ACSM3: variants seen among roughly 807,000 people sequenced by gnomAD.
ACSM3 encodes acyl-CoA synthetase medium chain family member 3, also known as acyl-coenzyme A synthetase ACSM3, mitochondrial.
A neutral mutation model predicts 74.1 loss-of-function variants in ACSM3; 61 were observed. The observed-to-expected ratio is 0.82, with a 90% confidence interval of 0.67 to 1.02. ACSM3 has a LOEUF of 1.02. ACSM3 is among the 50% of genes least tolerant of loss of function. The pLI, the probability that ACSM3 is intolerant of heterozygous loss-of-function variation, is 0.00. For synonymous variants in ACSM3, 213 were observed against 241.5 expected, an observed-to-expected ratio of 0.88 and a Z score of 1.09; for missense variants, 660 against 697.0, an observed-to-expected ratio of 0.95 and a Z score of 0.60.
rs201784927 is a variant in ACSM3, at chr16:20,786,031, T to G, written c.1144-47T>G. 398 of 1,330,242 alleles carry G rather than the reference T, an allele frequency of 3.0e-4. 1 individual carries two copies. Among genetic ancestry groups the G allele is most frequent in the Non-Finnish European group, 3.6e-4 (356 of 975,752 alleles). 82.4% of individuals were successfully genotyped at this position (1,330,242 alleles called of 1,614,324 possible). On this transcript the variant is annotated intron_variant, in intron 8 of 13. Coordinates refer to ENST00000289416, the MANE Select transcript of ACSM3 (RefSeq NM_005622.4). Reference sequence around the variant, plus strand: ...ATGAATGCATGATAGATGAATAAATTTTAAGTGACTTGTAATGTTATCTTA... The same window carrying G: ...ATGAATGCATGATAGATGAATAAATGTTAAGTGACTTGTAATGTTATCTTA...
chr16:20,695,315 G>A (rs1237725909), intron 1 of ACSM3, among the ~76,000 whole-genome samples: 2 of 152,174 alleles, frequency 1.3e-5, no homozygotes, highest in Non-Finnish European at 1.5e-5. Flanking sequence ...ATTGCCTGAA[G>A]CCATGGTGAT....
intron 1 of ACSM3, chr16:20,736,269 C>T (rs2152415580): frequency 6.6e-6 from 1 of 152,198 alleles, no homozygotes; most frequent in East Asian, 1.9e-4. Flanking sequence ...TCATCACCAA[C>T]CTTTTCAGAA....
At position 20,729,409 on chromosome 16, in the gene ACSM3, T is replaced by C. The variant is rs552222569; in HGVS notation, c.-189-20501T>C. On this transcript the variant is annotated intron_variant, in intron 1 of 3. Coordinates refer to the ACSM3 transcript ENST00000561584. ...GCAAGGATTGACAGGGGGGGAGCTCTCCTACTGGAGGATGTGGTGGTCAAA... is the reference window on the plus strand; with the variant it reads ...GCAAGGATTGACAGGGGGGGAGCTCCCCTACTGGAGGATGTGGTGGTCAAA... The C allele has an allele frequency of 4.0e-6, 4 of 994,464 alleles. No homozygotes were observed. In the South Asian group the frequency reaches 5.2e-5, roughly 13 times the overall value. 61.6% of individuals were successfully genotyped at this position (994,464 alleles called of 1,614,324 possible).
rs1360835651 is a variant in ACSM3 at position 20,692,500 on chromosome 16, T to C, written c.-190+17678T>C. 2.0e-5 allele frequency among the ~76,000 whole-genome samples: 3 copies of C among 152,132 alleles called. No individual in the cohort carries two copies. In the East Asian group the frequency reaches 5.8e-4, roughly 29 times the overall value. Reference sequence around the variant, plus strand: ...AAAGCTTTGTGGAGACCAAGTTTTATTGTGCACCGGTATCTCTCAGACACC... The same window carrying C: ...AAAGCTTTGTGGAGACCAAGTTTTACTGTGCACCGGTATCTCTCAGACACC... On this transcript the variant is annotated intron_variant, in intron 1 of 3. Transcript: ENST00000561584.
At chr16:20,796,713 T>A in intron 13 of ACSM3, 173 bp from the exon 14 acceptor site, 2 of 1,485,518 alleles carry the variant, frequency 1.3e-6, no homozygotes, top group South Asian at 2.8e-5. Context: ...ATACTTAATA[T>A]CAAGACAACT....
intron 1 of ACSM3, among the ~76,000 whole-genome samples, chr16:20,688,400 G>A (rs1401145481): frequency 1.7e-4 from 26 of 151,996 alleles, no homozygotes; most frequent in Admixed American, 1.7e-3. Context: ...AAGAAATATT[G>A]GCCCCATGAT....
chr16:20,717,090 C>T (rs1405900846), intron 1 of ACSM3, among the ~76,000 whole-genome samples: 1 of 152,202 alleles, frequency 6.6e-6, no homozygotes, highest in Non-Finnish European at 1.5e-5. Context: ...ATTTATTCAT[C>T]TTCCTAACGT....
intron 1 of ACSM3, among the ~76,000 whole-genome samples, chr16:20,683,775 G>A (rs1489613533): frequency 7.0e-6 from 1 of 143,804 alleles, no homozygotes; most frequent in Non-Finnish European, 1.5e-5. Context: ...TCACCATGTT[G>A]GCCAGGATGG....
intron 1 of ACSM3, among the ~76,000 whole-genome samples, chr16:20,715,283 A>T (rs148449954): frequency 2.6e-4 from 40 of 152,302 alleles, no homozygotes; most frequent in Admixed American, 1.8e-3. Context: ...AAACCATGTT[A>T]ATATTTTCTG....
In ACSM3 at chr16:20,705,027, T is replaced by C. The variant is rs550253636; in HGVS notation, c.-190+30205T>C. Reference sequence around the variant, plus strand: ...GAAATGTACTATGTAGTATTTTCCATAGGATCAACCTTTTGATAGGTACCA... The same window carrying C: ...GAAATGTACTATGTAGTATTTTCCACAGGATCAACCTTTTGATAGGTACCA... On this transcript the variant is annotated intron_variant, in intron 1 of 3. Transcript: ENST00000561584. Among the ~76,000 whole-genome samples, 6 of 152,306 alleles carry C rather than the reference T, an allele frequency of 3.9e-5. No individual in the cohort carries two copies. The South Asian group carries it at 1.2e-3, about 32-fold the overall frequency.
chr16:20,747,920 C>T (rs1190059348), intron 1 of ACSM3, among the ~76,000 whole-genome samples: 3 of 152,144 alleles, frequency 2.0e-5, no homozygotes, highest in Admixed American at 2.0e-4. Flanking sequence ...GCAGGTGGAT[C>T]GCTTGAGCTC....
chr16:20,777,530 T>G lies in ACSM3; in HGVS notation c.588T>G (p.Ile196Met), dbSNP rs5714. Residue 196 changes from isoleucine to methionine, a missense_variant, in exon 4 of 14, where the codon ATT becomes ATG. Coordinates refer to ENST00000289416, the MANE Select transcript of ACSM3 (RefSeq NM_005622.4). Reference protein sequence around the residue: ...SKCENLHSKLIVSENSREGWG... With the variant: ...SKCENLHSKLMVSENSREGWG... Reference sequence around the variant, plus strand: ...GTGAAAATCTGCACTCCAAGCTGATTGTATCAGAGAACTCCAGAGAGGGGT... The same window carrying G: ...GTGAAAATCTGCACTCCAAGCTGATGGTATCAGAGAACTCCAGAGAGGGGT... 3 of 1,613,998 alleles carry G rather than the reference T, an allele frequency of 1.9e-6. No individual in the cohort carries two copies. The highest frequency in any genetic ancestry group is 2.7e-5 in the African/African-American group (2 of 74,930).
intron 1 of ACSM3, among the ~76,000 whole-genome samples, chr16:20,744,942 T>C (rs1274588959): frequency 2.0e-5 from 3 of 152,214 alleles, no homozygotes; most frequent in Admixed American, 6.5e-5. Flanking sequence ...TATTTCATGG[T>C]TGCTGACTGT....
intron 4 of ACSM3, chr16:20,779,937 G>A (rs761351064): frequency 3.5e-5 from 6 of 171,522 alleles, no homozygotes; most frequent in Non-Finnish European, 7.7e-5. Flanking sequence ...GCTAATTTTT[G>A]TATTTTCAGT....
At chr16:20,685,113 G>A in intron 1 of ACSM3, 1 of 1,480,212 alleles carries the variant, frequency 6.8e-7, no homozygotes, top group South Asian at 1.1e-5. Context: ...GCCAGGCTGG[G>A]TGCACAGCAC....
chr16:20,679,407 T>C (rs1004607963), intron 1 of ACSM3: 6 of 152,190 alleles, frequency 3.9e-5, no homozygotes, highest in Non-Finnish European at 5.9e-5. Flanking sequence ...GGAAGCTGAC[T>C]AGTCTACACA....
chr16:20,760,106 A>G (rs372016150), upstream of ACSM3, among the ~76,000 whole-genome samples: 138 of 152,296 alleles, frequency 9.1e-4, 4 homozygotes, highest in South Asian at 0.028. Context: ...AAAACTGACA[A>G]AACAGACTCT....
chr16:20,709,233 A>T (rs1386490513), intron 1 of ACSM3, among the ~76,000 whole-genome samples: 1 of 152,236 alleles, frequency 6.6e-6, no homozygotes, highest in Non-Finnish European at 1.5e-5. Context: ...GCCTGGGCAC[A>T]GAGCGAGACA....
intron 1 of ACSM3, among the ~76,000 whole-genome samples, chr16:20,728,770 T>C (rs915311956): frequency 6.6e-6 from 1 of 152,170 alleles, no homozygotes; most frequent in African/African-American, 2.4e-5. Flanking sequence ...TATTATACTA[T>C]TTGGGACCTT....
Sources: allele counts gnomAD v4.1 joint callset (sites outside exome capture counted in the v4.1 genomes callset), GRCh38; gene constraint gnomAD v4.1.1; transcripts MANE v1.5; gene names NCBI Gene and HGNC (gene_info 2026-07-23, HGNC 2026-07-21).